PCDHA7: variants seen among roughly 807,000 people sequenced by gnomAD.
The protein encoded by PCDHA7 is protocadherin alpha 7.
A neutral mutation model predicts 57.2 loss-of-function variants in PCDHA7; 37 were observed. That is an observed-to-expected ratio of 0.65 (90% confidence interval 0.50 to 0.85). The LOEUF is 0.85. PCDHA7 is among the 40% of genes least tolerant of loss of function. PCDHA7 has a pLI of 0.00. For synonymous variants in PCDHA7, 553 were observed against 558.8 expected (o/e 0.99, Z 0.15); for missense variants, 1,188 against 1,241.8 (o/e 0.96, Z 0.65).
chr5:140,877,908 T>G (rs1554170220), intron 1 of PCDHA7: 2 of 1,433,428 alleles, frequency 1.4e-6, no homozygotes, highest in East Asian at 2.5e-5. Context: ...ATAACTACAT[T>G]CTCTCATTTT....
In PCDHA7 at chr5:140,871,676, A is replaced by G. The variant is rs141392186; in HGVS notation, c.2355+34938A>G. ...TACACATCTTCAGTCTTTTAATCAT[A>G]TGAATAATCTGGCTTCTTTAACCAA... On this transcript the variant is annotated intron_variant, in intron 1 of 3. Coordinates refer to ENST00000525929, the MANE Select transcript of PCDHA7 (RefSeq NM_018910.3). 511 of 1,133,248 alleles carry G rather than the reference A, an allele frequency of 4.5e-4. 2 individuals carry two copies. The African/African-American group carries it at 7.0e-3, about 16-fold the overall frequency. The allele number at this position is 1,133,248 out of a possible 1,614,324, so 70.2% of individuals were successfully genotyped here.
intron 1 of PCDHA7, among the ~76,000 whole-genome samples, chr5:140,893,362 C>T (rs782554595): frequency 6.6e-5 from 10 of 152,110 alleles, no homozygotes; most frequent in African/African-American, 9.7e-5. Flanking sequence ...TACATGCCCA[C>T]CAACAGCATT....
chr5:140,978,915 A>T, intron 1 of PCDHA7, 34 bp from the exon 2 acceptor site: 3 of 1,613,970 alleles, frequency 1.9e-6, no homozygotes, highest in Non-Finnish European at 2.5e-6. Flanking sequence ...TTGTCTTGTC[A>T]TTTTAACAGA....
At chr5:140,987,211 C>A (rs1190567678) in intron 3 of PCDHA7, among the ~76,000 whole-genome samples, 1 of 145,070 alleles carries the variant, frequency 6.9e-6, no homozygotes, top group South Asian at 2.1e-4. Flanking sequence ...GAGACTCCAT[C>A]TCAAAAAAAA....
At chr5:140,866,470 A>T (rs955596608) in intron 1 of PCDHA7, 1 of 152,128 alleles carries the variant, frequency 6.6e-6, no homozygotes, top group Non-Finnish European at 1.5e-5. Flanking sequence ...AGCTCATAAC[A>T]ACTGACAAAT....
rs189094380 is a variant in PCDHA7 at position 140,918,016 on chromosome 5, T to C, written c.2356-60933T>C. Among the ~76,000 whole-genome samples the C allele has an allele frequency of 1.3e-4, 20 of 152,344 alleles. No individual in the cohort carries two copies. The East Asian group carries it at 3.9e-3, about 29-fold the overall frequency. ...TTATCTTAACAATGTTGTTTCTTCC[T>C]ACCCATGAGCGTGGAAGGTCTTTCC... On this transcript the variant is annotated intron_variant, in intron 1 of 3. Transcript: ENST00000525929.
At chr5:140,982,439 G>T in intron 2 of PCDHA7, 36 bp from the exon 3 acceptor site, 1 of 1,613,560 alleles carries the variant, frequency 6.2e-7, no homozygotes, top group Non-Finnish European at 8.5e-7. Context: ...AAGAATTTAT[G>T]ATCTAACCGT....
At chr5:140,914,445 T>C (rs782813943) in intron 1 of PCDHA7, among the ~76,000 whole-genome samples, 1 of 152,200 alleles carries the variant, frequency 6.6e-6, no homozygotes, top group South Asian at 2.1e-4. Flanking sequence ...CCCATGTCTT[T>C]ATTTTCCAGT....
chr5:140,884,821 G>T (rs1470699415), intron 1 of PCDHA7: 1 of 1,011,638 alleles, frequency 9.9e-7, no homozygotes, highest in Admixed American at 3.4e-5. Context: ...TGGACATTAT[G>T]TGTTGGATTA....
intron 3 of PCDHA7, among the ~76,000 whole-genome samples, chr5:141,005,701 CAAAA>C (rs59860837): frequency 2.6e-4 from 2 of 7,790 alleles, no homozygotes; most frequent in African/African-American, 4.7e-4. Flanking sequence ...AACTCCGTCT[CAAAA>C]AAAAAAAAAA....
intron 1 of PCDHA7, among the ~76,000 whole-genome samples, chr5:140,886,264 A>T (rs1471846282): frequency 3.3e-5 from 5 of 151,982 alleles, no homozygotes; most frequent in Admixed American, 3.3e-4. Flanking sequence ...CTATTTATAG[A>T]TAAAATTTTT....
At position 141,011,314 on chromosome 5, in the gene PCDHA7, T is replaced by G. The variant is rs1269900647; in HGVS notation, c.*1377T>G. 2.0e-5 allele frequency: 3 copies of G among 153,782 alleles called. No homozygotes were observed. Among genetic ancestry groups the G allele is most frequent in the Non-Finnish European group, 4.4e-5 (3 of 68,040 alleles). 9.5% of individuals were successfully genotyped at this position (153,782 alleles called of 1,614,324 possible). On this transcript the variant is annotated 3_prime_UTR_variant, in exon 4 of 4. Coordinates refer to ENST00000525929, the MANE Select transcript of PCDHA7 (RefSeq NM_018910.3). ...CTATAACACTCTGAATTGCTAATCT[T>G]ACTAACACCTATGATGTTACCTGAA...
At chr5:140,961,113 C>T (rs2095591220) in intron 1 of PCDHA7, among the ~76,000 whole-genome samples, 1 of 152,190 alleles carries the variant, frequency 6.6e-6, no homozygotes, top group Non-Finnish European at 1.5e-5. Context: ...AACCCCCTTG[C>T]ATCTTAATGT....
At chr5:140,867,166 G>T (rs773226125) in intron 1 of PCDHA7, 1 of 152,006 alleles carries the variant, frequency 6.6e-6, no homozygotes, top group Non-Finnish European at 1.5e-5. Context: ...ACCTTCTAAG[G>T]TTCATTTCCC....
chr5:140,966,050 C>T (rs1554228018), intron 1 of PCDHA7, among the ~76,000 whole-genome samples: 3 of 152,206 alleles, frequency 2.0e-5, no homozygotes, highest in African/African-American at 7.2e-5. Context: ...TCGCCAGTAA[C>T]CCCAGAGCGC....
intron 3 of PCDHA7, among the ~76,000 whole-genome samples, chr5:140,996,730 A>G (rs1271920339): frequency 2.6e-5 from 4 of 152,228 alleles, no homozygotes; most frequent in African/African-American, 9.6e-5. Context: ...AGAAGAAACA[A>G]AAGTCATAAC....
Position 140,858,130 on chromosome 5 carries a change from C to G in PCDHA7, c.2355+21392C>G, listed in dbSNP as rs1210306605. ...CGCCCGAGGTGGCCCTGGTGGATGT[C>G]AACGTGTACCTGATCATCGCCATCT... On this transcript the variant is annotated intron_variant, in intron 1 of 3. Transcript: ENST00000525929. 27 of 1,597,776 alleles carry G rather than the reference C, an allele frequency of 1.7e-5. 5 individuals carry two copies. The highest frequency in any genetic ancestry group is 2.3e-5 in the Non-Finnish European group (27 of 1,167,556).
intron 1 of PCDHA7, among the ~76,000 whole-genome samples, chr5:140,923,350 A>G (rs2081329332): frequency 6.6e-6 from 1 of 152,092 alleles, no homozygotes; most frequent in Non-Finnish European, 1.5e-5. Flanking sequence ...ACATAGTGGG[A>G]CCCTATCTTT....
intron 1 of PCDHA7, chr5:140,842,664 T>C: frequency 6.3e-7 from 1 of 1,595,188 alleles, no homozygotes; most frequent in Non-Finnish European, 8.6e-7. Context: ...GTGGCCGACG[T>C]GAACGACAAT....
Sources: gnomAD v4.1 joint callset for allele counts (sites outside exome capture counted in the v4.1 genomes callset) on GRCh38, gnomAD v4.1.1 for gene constraint, MANE v1.5 for transcripts, NCBI Gene and HGNC (gene_info 2026-07-23, HGNC 2026-07-21) for gene names.